The following SLIT2 variants were observed in gnomAD, a reference collection of about 807,000 sequenced individuals.
SLIT2 encodes slit homolog 2 protein.
SLIT2 carries 41 observed loss-of-function variants against 185.7 expected under a neutral mutation model. The observed-to-expected ratio is 0.22, with a 90% CI of 0.17 to 0.29. SLIT2 has a LOEUF of 0.29. SLIT2 is among the 10% of genes least tolerant of loss of function. The pLI, the probability that SLIT2 is intolerant of heterozygous loss-of-function variation, is 1.00. For synonymous variants in SLIT2, 693 were observed against 680.2 expected (o/e 1.02, Z -0.29); for missense variants, 1,571 against 1,909.0 (o/e 0.82, Z 3.30).
chr4:20,507,358 A>G (rs1384846426), intron 9 of SLIT2, among the ~76,000 whole-genome samples: 1 of 151,964 alleles, frequency 6.6e-6, no homozygotes, highest in African/African-American at 2.4e-5. Flanking sequence ...CTAGTTTGAG[A>G]CTTTAAAATA....
intron 4 of SLIT2, among the ~76,000 whole-genome samples, chr4:20,387,143 T>C (rs1201459462): frequency 6.6e-6 from 1 of 152,206 alleles, no homozygotes; most frequent in Non-Finnish European, 1.5e-5. Flanking sequence ...TTTTTCCAGC[T>C]GGATTATCCG....
rs1289333437 is a variant in SLIT2, at chr4:20,486,194, C to T, written c.540-6C>T. 2 of 1,573,786 alleles carry T rather than the reference C, an allele frequency of 1.3e-6. No individual in the cohort carries two copies. Among genetic ancestry groups the T allele is most frequent in the Non-Finnish European group, 1.7e-6 (2 of 1,144,424 alleles). ...AAAATTCTAACTTTTCTTTTTAATT[C>T]TACAGCACTCTCAACAATAACAACA... On this transcript the variant is annotated splice_region_variant and splice_polypyrimidine_tract_variant and intron_variant, in intron 6 of 36. Transcript: ENST00000504154.
intron 9 of SLIT2, 131 bp from the exon 10 acceptor site, chr4:20,510,363 TA>T (rs974813380): frequency 1.5e-6 from 1 of 687,602 alleles, no homozygotes; most frequent in Non-Finnish European, 2.6e-6. Context: ...ATTTAGTACT[TA>T]TTTTTCAGGA....
chr4:20,292,491 AAAGAAG>A (rs917395251), intron 4 of SLIT2, among the ~76,000 whole-genome samples: 1 of 152,130 alleles, frequency 6.6e-6, no homozygotes, highest in Non-Finnish European at 1.5e-5. Context: ...ACCTGTCTCA[AAAGAAG>A]AAGAAGGAGA....
At chr4:20,551,755 C>T (rs1002596665) in intron 25 of SLIT2, among the ~76,000 whole-genome samples, 6 of 152,000 alleles carry the variant, frequency 3.9e-5, no homozygotes, top group Non-Finnish European at 8.8e-5. Flanking sequence ...GCACTTCTCT[C>T]GAAAACCCAC....
At chr4:20,347,274 A>G (rs961038081) in intron 4 of SLIT2, among the ~76,000 whole-genome samples, 1 of 152,240 alleles carries the variant, frequency 6.6e-6, no homozygotes, top group Non-Finnish European at 1.5e-5. Flanking sequence ...GCCCACATCT[A>G]TTCAACCTTA....
Position 20,467,756 on chromosome 4 carries a change from C to A in SLIT2, c.400C>A (p.Leu134Ile), listed in dbSNP as rs1471274971. Reference protein sequence around the residue: ...LGTAKLYRLDLSENQIQAIPR... With the variant: ...LGTAKLYRLDISENQIQAIPR... Reference sequence around the variant, plus strand: ...TTTTGTTGTTGTTGTTTTTAGTGATCTCAGTGAAAACCAAATTCAGGCAAT... The same window carrying A: ...TTTTGTTGTTGTTGTTTTTAGTGATATCAGTGAAAACCAAATTCAGGCAAT... The change falls in exon 5 of 37, where the codon CTC becomes ATC. Residue 134 changes from leucine to isoleucine, a missense_variant. Transcript: ENST00000504154. The A allele has an allele frequency of 6.3e-7, 1 of 1,585,148 alleles. No homozygotes were observed. The highest frequency in any genetic ancestry group is 1.2e-5 in the South Asian group (1 of 86,938).
intron 4 of SLIT2, among the ~76,000 whole-genome samples, chr4:20,344,909 A>G: frequency 6.6e-6 from 1 of 151,998 alleles, no homozygotes; most frequent in East Asian, 1.9e-4. Context: ...GCATTTTTGG[A>G]AGAGAACATG....
At chr4:20,559,089 A>C (rs190509645) in intron 26 of SLIT2, among the ~76,000 whole-genome samples, 1 of 151,990 alleles carries the variant, frequency 6.6e-6, no homozygotes, top group Non-Finnish European at 1.5e-5. Flanking sequence ...GGTGGGCATA[A>C]CTGTGGGAGC....
intron 4 of SLIT2, among the ~76,000 whole-genome samples, chr4:20,302,539 G>C (rs1213474145): frequency 2.0e-5 from 3 of 152,132 alleles, no homozygotes; most frequent in Non-Finnish European, 4.4e-5. Context: ...ATGGCTGCAT[G>C]ATGTCAGAGG....
intron 29 of SLIT2, among the ~76,000 whole-genome samples, chr4:20,575,246 CT>C: frequency 6.6e-6 from 1 of 152,270 alleles, no homozygotes; most frequent in African/African-American, 2.4e-5. Flanking sequence ...TAAAAGCTCC[CT>C]TTTATTTCCA....
chr4:20,604,638 C>T (rs1353555204), intron 33 of SLIT2, among the ~76,000 whole-genome samples: 4 of 151,990 alleles, frequency 2.6e-5, no homozygotes, highest in African/African-American at 9.7e-5. Flanking sequence ...TGAGCCACTG[C>T]GCCCAGCCTA....
chr4:20,350,852 T>G (rs1300130922), intron 4 of SLIT2, among the ~76,000 whole-genome samples: 1 of 152,070 alleles, frequency 6.6e-6, no homozygotes, highest in East Asian at 1.9e-4. Flanking sequence ...GTTAAATAAT[T>G]TCAACTTTTA....
chr4:20,368,300 G>T (rs1002053108), intron 4 of SLIT2, among the ~76,000 whole-genome samples: 13 of 146,334 alleles, frequency 8.9e-5, no homozygotes, highest in African/African-American at 1.5e-4. Flanking sequence ...TCATCTAACA[G>T]ACTGACTCAG....
At chr4:20,345,242 GA>G in intron 4 of SLIT2, among the ~76,000 whole-genome samples, 1 of 152,284 alleles carries the variant, frequency 6.6e-6, no homozygotes, top group Non-Finnish European at 1.5e-5. Context: ...GTAGTACTCA[GA>G]AAATAATGGC....
intron 4 of SLIT2, among the ~76,000 whole-genome samples, chr4:20,451,497 T>A (rs999542281): frequency 7.2e-5 from 11 of 152,170 alleles, no homozygotes; most frequent in African/African-American, 2.7e-4. Flanking sequence ...TAAAATGAAA[T>A]GTATTCATAT....
At chr4:20,464,141 A>G (rs980934788) in intron 4 of SLIT2, among the ~76,000 whole-genome samples, 4 of 152,108 alleles carry the variant, frequency 2.6e-5, no homozygotes, top group African/African-American at 7.2e-5. Flanking sequence ...GTAAGGAAGC[A>G]ATGAATTGAT....
intron 5 of SLIT2, among the ~76,000 whole-genome samples, chr4:20,472,385 T>TGCA (rs1715344908): frequency 5.1e-5 from 2 of 39,270 alleles, no homozygotes; most frequent in African/African-American, 2.8e-4. Flanking sequence ...TCTATATATA[T>TGCA]GTAGATATAT....
Position 20,403,591 on chromosome 4 carries a change from G to A in SLIT2, c.396-64161G>A, listed in dbSNP as rs767454344. Among the ~76,000 whole-genome samples, 10 of 151,966 alleles carry A rather than the reference G, an allele frequency of 6.6e-5. 1 individual carries two copies. The highest frequency in any genetic ancestry group is 4.2e-4 in the South Asian group (2 of 4,812). On this transcript the variant is annotated intron_variant, in intron 4 of 36. Transcript: ENST00000504154. The stretch of plus-strand genomic sequence containing the variant: ...TGAGAAAAGACTACCTACTGGGAGC[G>A]TTCAGTGCTCATGACTGAATAAGTA...
Sources: gnomAD v4.1 joint callset for allele counts (sites outside exome capture counted in the v4.1 genomes callset) on GRCh38, gnomAD v4.1.1 for gene constraint, MANE v1.5 for transcripts, NCBI Gene and HGNC (gene_info 2026-07-23, HGNC 2026-07-21) for gene names.